DSCAM: variants seen among roughly 807,000 people sequenced by gnomAD.
DSCAM encodes DS cell adhesion molecule.
DSCAM carries 47 observed loss-of-function variants against 217.7 expected under a neutral mutation model. That is an observed-to-expected ratio of 0.22 (90% CI 0.17 to 0.28). The LOEUF is 0.28. DSCAM is among the 10% of genes least tolerant of loss of function. The pLI, the probability that DSCAM is intolerant of heterozygous loss-of-function variation, is 1.00. For synonymous variants in DSCAM, 1,056 were observed against 1,015.3 expected, an observed-to-expected ratio of 1.04 and a Z score of -0.76; for missense variants, 2,080 against 2,618.3, an observed-to-expected ratio of 0.79 and a Z score of 4.49.
chr21:40,433,553 G>C (rs1230291966), intron 3 of DSCAM, among the ~76,000 whole-genome samples: 1 of 152,210 alleles, frequency 6.6e-6, no homozygotes, highest in African/African-American at 2.4e-5. Flanking sequence ...AAAGCTTGGA[G>C]AGAGTTGGAT....
chr21:40,462,839 T>G (rs756985503), intron 3 of DSCAM, among the ~76,000 whole-genome samples: 2 of 152,114 alleles, frequency 1.3e-5, no homozygotes, highest in Non-Finnish European at 2.9e-5. Flanking sequence ...CAGAGTTAGG[T>G]GCCACATGGT....
chr21:40,797,010 AC>A (rs148933008), intron 1 of DSCAM, among the ~76,000 whole-genome samples: 4,104 of 152,154 alleles, frequency 0.027, 79 homozygotes, highest in Non-Finnish European at 0.039. Context: ...ACTAAATATC[AC>A]CCTTTGATAG....
chr21:40,223,084 C>A (rs74922057), intron 11 of DSCAM, among the ~76,000 whole-genome samples: 1 of 152,182 alleles, frequency 6.6e-6, no homozygotes, highest in East Asian at 1.9e-4. Flanking sequence ...TCCGGTGTGG[C>A]CTCTCTTTCC....
chr21:40,753,958 GT>G (rs2091251982), intron 1 of DSCAM, among the ~76,000 whole-genome samples: 1 of 152,116 alleles, frequency 6.6e-6, no homozygotes, highest in African/African-American at 2.4e-5. Context: ...CACACTTCCA[GT>G]TTTCATCTAC....
chr21:40,214,735 C>CAAAAA (rs1209648217), intron 11 of DSCAM, among the ~76,000 whole-genome samples: 62 of 67,376 alleles, frequency 9.2e-4, no homozygotes, highest in Middle Eastern at 7.7e-3. Flanking sequence ...GCAACAACAG[C>CAAAAA]AAAAAAAAAA....
chr21:40,773,681 C>G (rs1052478462), intron 1 of DSCAM, among the ~76,000 whole-genome samples: 4 of 152,148 alleles, frequency 2.6e-5, no homozygotes, highest in Non-Finnish European at 5.9e-5. Flanking sequence ...AAGCACAGGC[C>G]CCTGATTTTC....
chr21:40,408,014 G>T (rs1395890237), intron 3 of DSCAM, among the ~76,000 whole-genome samples: 2 of 152,046 alleles, frequency 1.3e-5, no homozygotes, highest in African/African-American at 2.4e-5. Context: ...CTGGCTACCT[G>T]GTGGGTTTAC....
chr21:40,151,218 G>A (rs775109245), intron 16 of DSCAM, among the ~76,000 whole-genome samples: 2 of 152,026 alleles, frequency 1.3e-5, no homozygotes, highest in Non-Finnish European at 2.9e-5. Flanking sequence ...CCTTATAAAA[G>A]CTGTTGTCAA....
At position 40,178,979 on chromosome 21, in the gene DSCAM, C is replaced by A. The variant is rs754917726; in HGVS notation, c.2895G>T (p.Arg965=). 35 of 1,613,938 alleles carry A rather than the reference C, an allele frequency of 2.2e-5. No homozygotes were observed. Among genetic ancestry groups the A allele is most frequent in the Non-Finnish European group, 2.9e-5 (34 of 1,180,018 alleles). The part of the protein sequence containing the change: ...TYSIRMYAKN[R]IGKSEPSNEL... ...CGTTGCTGGGCTCGCTCTTGCCAAT[C>A]CGGTTCTTGGCGTACATGCGGATGC... The change falls in exon 15 of 33, where the codon CGG becomes CGT. Residue 965 remains arginine, a synonymous_variant. Transcript: ENST00000400454.
rs566679982 is a variant in DSCAM at position 40,513,477 on chromosome 21, T to C, written c.509-144232A>G. Among the ~76,000 whole-genome samples the C allele has an allele frequency of 2.6e-5, 4 of 152,300 alleles. No individual in the cohort carries two copies. In the South Asian group the frequency reaches 8.3e-4, roughly 32 times the overall value. ...GTACAAGAAGCATGGCACCAACATC[T>C]GCTTCTGGTGAGTGCCTCAGGGAGC... On this transcript the variant is annotated intron_variant, in intron 3 of 32. Coordinates refer to ENST00000400454, the MANE Select transcript of DSCAM (RefSeq NM_001389.5).
At chr21:40,692,701 CTAA>C in intron 3 of DSCAM, 106 bp downstream of exon 3, 1 of 1,333,146 alleles carries the variant, frequency 7.5e-7, no homozygotes, top group South Asian at 1.5e-5. Flanking sequence ...CTTAAGAATA[CTAA>C]TTCTGAATTA....
At chr21:40,018,818 T>C (rs763611696) in intron 32 of DSCAM, among the ~76,000 whole-genome samples, 16 of 152,250 alleles carry the variant, frequency 1.1e-4, no homozygotes, top group African/African-American at 1.4e-4. Context: ...CATCTTTACA[T>C]GCAATGCCTA....
intron 3 of DSCAM, among the ~76,000 whole-genome samples, chr21:40,657,665 G>A (rs1024526499): frequency 2.0e-5 from 3 of 152,090 alleles, no homozygotes; most frequent in Admixed American, 1.3e-4. Flanking sequence ...TCCACAACGC[G>A]GCAATCTGAT....
intron 3 of DSCAM, among the ~76,000 whole-genome samples, chr21:40,643,232 TATCTC>T (rs1407765216): frequency 6.6e-6 from 1 of 152,192 alleles, no homozygotes; most frequent in Non-Finnish European, 1.5e-5. Context: ...GACAGATTGA[TATCTC>T]ATCTCTAAGT....
chr21:40,272,165 G>A (rs2073626746), intron 11 of DSCAM, among the ~76,000 whole-genome samples: 1 of 151,832 alleles, frequency 6.6e-6, no homozygotes, highest in South Asian at 2.1e-4. Flanking sequence ...AGCTTCTGTA[G>A]CCCCCGATCG....
intron 11 of DSCAM, among the ~76,000 whole-genome samples, chr21:40,269,717 C>T (rs1003324884): frequency 2.6e-5 from 4 of 152,174 alleles, no homozygotes; most frequent in African/African-American, 9.7e-5. Context: ...CAGCATAACT[C>T]CAATCTCTGT....
intron 32 of DSCAM, among the ~76,000 whole-genome samples, chr21:40,021,840 A>T (rs527286715): frequency 2.0e-5 from 3 of 152,300 alleles, no homozygotes; most frequent in African/African-American, 7.2e-5. Context: ...CCATCAGCAG[A>T]TTCACACTCA....
intron 1 of DSCAM, among the ~76,000 whole-genome samples, chr21:40,714,734 T>G (rs938715783): frequency 6.6e-6 from 1 of 152,200 alleles, no homozygotes; most frequent in Non-Finnish European, 1.5e-5. Context: ...TTCAAACTGA[T>G]GCTGGAATTA....
At chr21:40,539,579 C>T (rs1312284541) in intron 3 of DSCAM, among the ~76,000 whole-genome samples, 2 of 151,634 alleles carry the variant, frequency 1.3e-5, no homozygotes, top group Admixed American at 1.3e-4. Context: ...TTCTTAAAAA[C>T]AAGTGTGAAA....
Sources: gnomAD v4.1 joint callset for allele counts (sites outside exome capture counted in the v4.1 genomes callset) on GRCh38, gnomAD v4.1.1 for gene constraint, MANE v1.5 for transcripts, NCBI Gene and HGNC (gene_info 2026-07-23, HGNC 2026-07-21) for gene names.